SLC39A8: variants seen among roughly 807,000 people sequenced by gnomAD.
SLC39A8 encodes the protein metal cation symporter ZIP8.
In SLC39A8, 15 loss-of-function variants were observed where a neutral mutation model predicts 40.4. The ratio of observed to expected loss-of-function variants is 0.37; its 90% CI spans 0.25 to 0.57. SLC39A8 has a LOEUF of 0.57. Ranked by LOEUF, SLC39A8 falls within the 20% of genes least tolerant of loss-of-function variation. SLC39A8 has a pLI of 0.75. For missense variants in SLC39A8, 472 were observed against 558.8 expected, an observed-to-expected ratio of 0.84 and a Z score of 1.57; for synonymous variants, 223 against 221.6, an observed-to-expected ratio of 1.01 and a Z score of -0.06.
chr4:102,290,014 G>A (rs913481790), intron 6 of SLC39A8, among the ~76,000 whole-genome samples: 2 of 152,124 alleles, frequency 1.3e-5, no homozygotes, highest in African/African-American at 2.4e-5. Context: ...GCATGTTCTC[G>A]CATGTACAGA....
chr4:102,315,401 ATT>A (rs1323105999), intron 3 of SLC39A8, among the ~76,000 whole-genome samples: 1 of 152,190 alleles, frequency 6.6e-6, no homozygotes, highest in Non-Finnish European at 1.5e-5. Context: ...TAAAATATAT[ATT>A]GTTTAAAATC....
intron 6 of SLC39A8, among the ~76,000 whole-genome samples, chr4:102,281,475 C>A (rs1490618834): frequency 1.3e-5 from 2 of 151,732 alleles, no homozygotes; most frequent in Non-Finnish European, 1.5e-5. Context: ...GACTCACCTG[C>A]AAAAAAAGAG....
intron 2 of SLC39A8, among the ~76,000 whole-genome samples, chr4:102,337,707 C>A (rs553853160): frequency 6.6e-6 from 1 of 152,066 alleles, no homozygotes; most frequent in Non-Finnish European, 1.5e-5. Flanking sequence ...CATTCTAAAC[C>A]GCCAGAAGAG....
At chr4:102,271,580 C>T (rs1732365635) in intron 6 of SLC39A8, among the ~76,000 whole-genome samples, 1 of 152,210 alleles carries the variant, frequency 6.6e-6, no homozygotes, top group South Asian at 2.1e-4. Context: ...AAAGCTATCA[C>T]TGTCCAACAG....
At position 102,337,715 on chromosome 4, in the gene SLC39A8, G is replaced by A. The variant is rs147656038; in HGVS notation, c.219+6729C>T. On this transcript the variant is annotated intron_variant, in intron 2 of 8. Coordinates refer to ENST00000356736, the MANE Select transcript of SLC39A8 (RefSeq NM_001135146.2). Reference sequence around the variant, plus strand: ...AGATTTCCATTCTAAACCGCCAGAAGAGACAGTGGATTCATTGGCCGAAAA... The same window carrying A: ...AGATTTCCATTCTAAACCGCCAGAAAAGACAGTGGATTCATTGGCCGAAAA... Among the ~76,000 whole-genome samples, 314 of 152,298 alleles carry A rather than the reference G, an allele frequency of 2.1e-3. 2 individuals carry two copies. Among genetic ancestry groups the A allele is most frequent in the African/African-American group, 7.2e-3 (301 of 41,556 alleles).
chr4:102,273,366 A>G (rs1732457921), intron 6 of SLC39A8, among the ~76,000 whole-genome samples: 1 of 152,202 alleles, frequency 6.6e-6, no homozygotes, highest in African/African-American at 2.4e-5. Flanking sequence ...ACAGCTCGGC[A>G]AAGCCACTGT....
At chr4:102,261,311 T>C (rs1198001250), downstream of SLC39A8, among the ~76,000 whole-genome samples, 2 of 152,184 alleles carry the variant, frequency 1.3e-5, no homozygotes, top group Non-Finnish European at 2.9e-5. Context: ...GATATGCCTA[T>C]GTTAATTGTC....
At chr4:102,265,975 C>T (rs1732078879) in intron 8 of SLC39A8, among the ~76,000 whole-genome samples, 1 of 152,212 alleles carries the variant, frequency 6.6e-6, no homozygotes. Flanking sequence ...AAATCCTTCA[C>T]GTTTTACCTT....
At chr4:102,298,281 A>G (rs1733762960) in intron 6 of SLC39A8, among the ~76,000 whole-genome samples, 1 of 152,064 alleles carries the variant, frequency 6.6e-6, no homozygotes, top group Non-Finnish European at 1.5e-5. Context: ...GACCTTAGCA[A>G]CACATAGAGT....
At position 102,315,819 on chromosome 4, in the gene SLC39A8, A is replaced by G; in HGVS notation, c.231T>C (p.Ala77=). Reference sequence around the variant, plus strand: ...AGCCATGAAGGGAAAAGATCTCTTCAGCAGTTAAACACTGAAATAGAATAA... The same window carrying G: ...AGCCATGAAGGGAAAAGATCTCTTCGGCAGTTAAACACTGAAATAGAATAA... ...GQLHFNQCLT[A]EEIFSLHGFS... Residue 77 remains alanine (A), a synonymous_variant, in exon 3 of 9, where the codon GCT becomes GCC. Transcript: ENST00000356736. The G allele has an allele frequency of 6.2e-7, 1 of 1,611,244 alleles. No homozygotes were observed. The highest frequency in any genetic ancestry group is 1.1e-5 in the South Asian group (1 of 90,424).
chr4:102,327,889 C>T (rs1735286801), intron 2 of SLC39A8, among the ~76,000 whole-genome samples: 1 of 152,122 alleles, frequency 6.6e-6, no homozygotes, highest in Non-Finnish European at 1.5e-5. Flanking sequence ...GCAAATATTC[C>T]AGCCATAAGT....
At chr4:102,320,191 GTATATATATATGTATA>G (rs1734856861) in intron 2 of SLC39A8, among the ~76,000 whole-genome samples, 2 of 66,544 alleles carry the variant, frequency 3.0e-5, no homozygotes, top group East Asian at 6.4e-4. Flanking sequence ...ATATATATAT[GTATATATATATGTATA>G]TATATATGTA....
chr4:102,315,856 AT>A (rs1560557670), intron 2 of SLC39A8, 26 bp from the exon 3 acceptor site: 3 of 1,581,026 alleles, frequency 1.9e-6, no homozygotes, highest in Non-Finnish European at 2.6e-6. Context: ...CAAAAAAAAA[AT>A]GTGATAATAA....
intron 2 of SLC39A8, among the ~76,000 whole-genome samples, chr4:102,325,131 C>A (rs979404345): frequency 3.3e-5 from 5 of 152,046 alleles, no homozygotes; most frequent in South Asian, 2.1e-4. Flanking sequence ...TCTCTCTCCA[C>A]CTTCTCTTGA....
chr4:102,265,183 A>G (rs1732045054), intron 8 of SLC39A8, among the ~76,000 whole-genome samples: 1 of 152,080 alleles, frequency 6.6e-6, no homozygotes, highest in African/African-American at 2.4e-5. Flanking sequence ...TTGATTTAAT[A>G]TGATAGATGT....
intron 2 of SLC39A8, among the ~76,000 whole-genome samples, chr4:102,335,616 A>G (rs1368987808): frequency 6.6e-6 from 1 of 152,244 alleles, no homozygotes; most frequent in African/African-American, 2.4e-5. Flanking sequence ...GGCAAAAATA[A>G]TAAAATAAAG....
chr4:102,319,328 T>C (rs1028221911), intron 2 of SLC39A8, among the ~76,000 whole-genome samples: 6 of 152,196 alleles, frequency 3.9e-5, no homozygotes, highest in Non-Finnish European at 8.8e-5. Flanking sequence ...AATTGAGATC[T>C]GGTTATAATA....
chr4:102,268,144 T>TG (rs1335907727), intron 6 of SLC39A8, 65 bp from the exon 7 acceptor site: 4 of 1,546,680 alleles, frequency 2.6e-6, no homozygotes, highest in Non-Finnish European at 3.6e-6. Flanking sequence ...ACAGACAAGT[T>TG]GGAGATGGGT....
At chr4:102,299,133 C>G (rs984410956) in intron 6 of SLC39A8, among the ~76,000 whole-genome samples, 2 of 151,850 alleles carry the variant, frequency 1.3e-5, no homozygotes, top group African/African-American at 4.8e-5. Context: ...GCCCCAGTCC[C>G]CTTCTCCTCC....
Sources: allele counts gnomAD v4.1 joint callset (sites outside exome capture counted in the v4.1 genomes callset), GRCh38; gene constraint gnomAD v4.1.1; transcripts MANE v1.5; gene names NCBI Gene and HGNC (gene_info 2026-07-23, HGNC 2026-07-21).